The following GALNTL6 variants were observed in gnomAD, a reference collection of about 807,000 sequenced individuals.
GALNTL6 encodes the protein polypeptide N-acetylgalactosaminyltransferase-like 6.
Under a neutral mutation model 73.7 loss-of-function variants are expected in GALNTL6, and 46 were observed. The observed-to-expected ratio is 0.62, with a 90% CI of 0.49 to 0.80. The LOEUF is 0.80. Ranked by LOEUF, GALNTL6 falls within the 30% of genes least tolerant of loss-of-function variation. GALNTL6 has a pLI of 0.00. For missense variants in GALNTL6, 604 were observed against 755.0 expected (o/e 0.80, Z 2.34); for synonymous variants, 259 against 263.7 (o/e 0.98, Z 0.17).
At chr4:172,115,675 G>T (rs1013644064) in intron 2 of GALNTL6, among the ~76,000 whole-genome samples, 1 of 152,050 alleles carries the variant, frequency 6.6e-6, no homozygotes, top group African/African-American at 2.4e-5. Context: ...GTAATTACGG[G>T]AATGACATGG....
intron 2 of GALNTL6, among the ~76,000 whole-genome samples, chr4:171,883,726 C>G (rs373903866): frequency 2.6e-5 from 4 of 151,778 alleles, no homozygotes; most frequent in Non-Finnish European, 5.9e-5. Context: ...CAGCTCACTG[C>G]AAGCTCCGCC....
chr4:172,103,598 G>A (rs1277046217), intron 2 of GALNTL6, among the ~76,000 whole-genome samples: 1 of 152,160 alleles, frequency 6.6e-6, no homozygotes, highest in African/African-American at 2.4e-5. Flanking sequence ...TTTCCCTGCA[G>A]TCTGCTAGAG....
chr4:172,985,584 C>T (rs1290869871), intron 10 of GALNTL6, among the ~76,000 whole-genome samples: 1 of 152,016 alleles, frequency 6.6e-6, no homozygotes, highest in African/African-American at 2.4e-5. Context: ...ACTACTCAAA[C>T]CAGCCTCCCT....
chr4:172,479,536 A>G (rs1253507239), intron 5 of GALNTL6, among the ~76,000 whole-genome samples: 4 of 152,172 alleles, frequency 2.6e-5, no homozygotes, highest in African/African-American at 9.7e-5. Flanking sequence ...GGTGTAATGG[A>G]CATTGCAGAC....
At chr4:171,964,756 T>A (rs1345637104) in intron 2 of GALNTL6, among the ~76,000 whole-genome samples, 1 of 152,250 alleles carries the variant, frequency 6.6e-6, no homozygotes. Flanking sequence ...AGGACTTGTT[T>A]TTCCATCTGC....
chr4:172,344,429 A>G (rs1271395972), intron 4 of GALNTL6, among the ~76,000 whole-genome samples: 1 of 152,180 alleles, frequency 6.6e-6, no homozygotes, highest in Non-Finnish European at 1.5e-5. Flanking sequence ...AAGTGCTTTT[A>G]CAAAGGAGCT....
intron 2 of GALNTL6, among the ~76,000 whole-genome samples, chr4:171,946,277 A>T (rs1202904598): frequency 6.6e-6 from 1 of 152,228 alleles, no homozygotes; most frequent in East Asian, 1.9e-4. Flanking sequence ...TTCCTTATTA[A>T]GAAAAGTTTA....
intron 10 of GALNTL6, among the ~76,000 whole-genome samples, chr4:172,990,712 A>G (rs1751502772): frequency 6.6e-6 from 1 of 152,226 alleles, no homozygotes; most frequent in African/African-American, 2.4e-5. Context: ...GAAAACAAAA[A>G]TCTTAGTATA....
intron 6 of GALNTL6, among the ~76,000 whole-genome samples, chr4:172,810,889 GGC>G (rs1197477661): frequency 1.3e-5 from 2 of 151,958 alleles, no homozygotes; most frequent in African/African-American, 4.8e-5. Flanking sequence ...GTCAGCAAAA[GGC>G]CTAATTTATT....
At chr4:172,871,058 G>GA in intron 7 of GALNTL6, among the ~76,000 whole-genome samples, 1 of 152,192 alleles carries the variant, frequency 6.6e-6, no homozygotes, top group Middle Eastern at 3.4e-3. Context: ...ACAAATGCCA[G>GA]AAAAAAATTT....
At position 171,934,479 on chromosome 4, in the gene GALNTL6, T is replaced by A. The variant is rs1476804331; in HGVS notation, c.138+119761T>A. 3.9e-5 allele frequency among the ~76,000 whole-genome samples: 6 copies of A among 152,192 alleles called. No homozygotes were observed. In the South Asian group the frequency reaches 1.0e-3, roughly 26 times the overall value. ...TGCAGGCTGCAGTGCAGTGGTATGATCATGGCTCACTGCAGCCTCAATTTC... is the reference window on the plus strand; with the variant it reads ...TGCAGGCTGCAGTGCAGTGGTATGAACATGGCTCACTGCAGCCTCAATTTC... On this transcript the variant is annotated intron_variant, in intron 2 of 12. Coordinates refer to ENST00000506823, the MANE Select transcript of GALNTL6 (RefSeq NM_001034845.3).
chr4:172,917,113 T>C (rs2111281271), intron 8 of GALNTL6, among the ~76,000 whole-genome samples: 1 of 152,326 alleles, frequency 6.6e-6, no homozygotes, highest in South Asian at 2.1e-4. Flanking sequence ...AACCATCTGA[T>C]CTTTGACAAA....
intron 4 of GALNTL6, among the ~76,000 whole-genome samples, chr4:172,342,389 GC>G (rs1395051978): frequency 4.6e-5 from 7 of 152,104 alleles, no homozygotes; most frequent in African/African-American, 1.7e-4. Context: ...TCCTGTGTAG[GC>G]TATAATTACT....
intron 5 of GALNTL6, among the ~76,000 whole-genome samples, chr4:172,801,434 A>G (rs947916444): frequency 3.9e-4 from 59 of 152,164 alleles, no homozygotes; most frequent in Non-Finnish European, 7.1e-4. Flanking sequence ...CTTTTTTCTG[A>G]AAAAGGTCTT....
chr4:172,920,076 C>G (rs775864336), intron 8 of GALNTL6, among the ~76,000 whole-genome samples: 60 of 152,290 alleles, frequency 3.9e-4, no homozygotes, highest in Non-Finnish European at 7.3e-4. Context: ...TATACTGACA[C>G]AACAGAGCAT....
At chr4:172,738,991 G>A (rs2111412419) in intron 5 of GALNTL6, among the ~76,000 whole-genome samples, 1 of 152,308 alleles carries the variant, frequency 6.6e-6, no homozygotes, top group East Asian at 1.9e-4. Flanking sequence ...CCTCCAGGTA[G>A]CAGGCTTCAG....
intron 5 of GALNTL6, among the ~76,000 whole-genome samples, chr4:172,658,581 T>G (rs73869580): frequency 6.6e-6 from 1 of 151,946 alleles, no homozygotes; most frequent in African/African-American, 2.4e-5. Flanking sequence ...GACAGGGATG[T>G]CAAAGCCAGG....
intron 2 of GALNTL6, among the ~76,000 whole-genome samples, chr4:171,853,863 C>T (rs563923502): frequency 6.6e-4 from 100 of 152,116 alleles, no homozygotes; most frequent in African/African-American, 2.2e-3. Context: ...ACACCCACAT[C>T]GGCCTCCAAA....
intron 7 of GALNTL6, among the ~76,000 whole-genome samples, chr4:172,839,366 A>T (rs1743079452): frequency 6.6e-6 from 1 of 152,228 alleles, no homozygotes; most frequent in Admixed American, 6.5e-5. Flanking sequence ...ATCCTCAGAT[A>T]TTATGCCTAT....
Sources: allele counts gnomAD v4.1 joint callset (sites outside exome capture counted in the v4.1 genomes callset), GRCh38; gene constraint gnomAD v4.1.1; transcripts MANE v1.5; gene names NCBI Gene and HGNC (gene_info 2026-07-23, HGNC 2026-07-21).